The following FRMD6 variants were observed in gnomAD, a reference collection of about 807,000 sequenced individuals.
FRMD6 encodes the protein FERM domain containing 6.
A neutral mutation model predicts 73.2 loss-of-function variants in FRMD6; 37 were observed. That is an observed-to-expected ratio of 0.51 (90% CI 0.39 to 0.66). FRMD6 has a LOEUF of 0.66. Among genes scored for constraint, FRMD6 ranks in the 30% least tolerant of loss-of-function variants. The probability of loss-of-function intolerance (pLI) is 0.00; values close to 1 mark genes in which losing one functional copy is unlikely to be tolerated. For synonymous variants in FRMD6, 273 were observed against 282.2 expected, an observed-to-expected ratio of 0.97 and a Z score of 0.33; for missense variants, 714 against 780.5, an observed-to-expected ratio of 0.91 and a Z score of 1.02.
chr14:51,507,114 AC>A (rs1884014702), intron 1 of FRMD6, among the ~76,000 whole-genome samples: 1 of 149,534 alleles, frequency 6.7e-6, no homozygotes, highest in Non-Finnish European at 1.5e-5. Context: ...ACACACACAC[AC>A]ACACACACAC....
intron 1 of FRMD6, among the ~76,000 whole-genome samples, chr14:51,505,773 C>G (rs998358768): frequency 2.0e-5 from 3 of 152,200 alleles, no homozygotes; most frequent in Non-Finnish European, 4.4e-5. Flanking sequence ...CCCCCCTCGA[C>G]TCGATCACCC....
intron 9 of FRMD6, 38 bp downstream of exon 9, chr14:51,712,589 T>C (rs763902957): frequency 2.4e-6 from 3 of 1,261,802 alleles, no homozygotes; most frequent in East Asian, 2.3e-5. Context: ...AAAAGTCTCA[T>C]TAATTGCTTA....
chr14:51,698,395 A>T (rs1896084228), intron 3 of FRMD6, among the ~76,000 whole-genome samples, 163 bp downstream of exon 3: 1 of 152,054 alleles, frequency 6.6e-6, no homozygotes, highest in South Asian at 2.1e-4. Flanking sequence ...TTAATTTTTT[A>T]ATCTCAATTT....
chr14:51,706,082 A>T (rs748969468), intron 6 of FRMD6, among the ~76,000 whole-genome samples: 3 of 152,080 alleles, frequency 2.0e-5, no homozygotes, highest in Non-Finnish European at 4.4e-5. Context: ...ATTTCTACGT[A>T]TTCCTACCTC....
At chr14:51,570,931 C>T (rs887304862) in intron 2 of FRMD6, among the ~76,000 whole-genome samples, 3 of 152,134 alleles carry the variant, frequency 2.0e-5, no homozygotes, top group East Asian at 1.9e-4. Context: ...TATGGGACTC[C>T]GTCAAAACGA....
intron 2 of FRMD6, among the ~76,000 whole-genome samples, chr14:51,636,599 A>T (rs1170615250): frequency 6.6e-6 from 1 of 152,224 alleles, no homozygotes; most frequent in Non-Finnish European, 1.5e-5. Flanking sequence ...ATGCTGGTGG[A>T]TTAAAAACTA....
chr14:51,630,569 G>T (rs1422743341), intron 2 of FRMD6, among the ~76,000 whole-genome samples: 1 of 152,090 alleles, frequency 6.6e-6, no homozygotes, highest in African/African-American at 2.4e-5. Flanking sequence ...GGGCAAAAAA[G>T]ACCCTGTCTC....
intron 9 of FRMD6, 127 bp downstream of exon 9, chr14:51,712,678 G>C (rs1027886870): frequency 3.1e-6 from 2 of 650,510 alleles, no homozygotes; most frequent in African/African-American, 3.7e-5. Flanking sequence ...TTTTTAAGAA[G>C]TTGACACTGA....
chr14:51,467,182 C>T, the FRMD6 span, among the ~76,000 whole-genome samples: 1 of 152,146 alleles, frequency 6.6e-6, no homozygotes, highest in African/African-American at 2.4e-5. Context: ...AAGGAGCATG[C>T]TGCCTTCAAG....
intron 1 of FRMD6, among the ~76,000 whole-genome samples, chr14:51,547,542 GC>G (rs1349665488): frequency 1.3e-5 from 2 of 152,146 alleles, no homozygotes; most frequent in Non-Finnish European, 2.9e-5. Context: ...AGTCTGGTAT[GC>G]CTTAGCCAAA....
chr14:51,614,593 G>A (rs1235596561), intron 2 of FRMD6, among the ~76,000 whole-genome samples: 1 of 151,964 alleles, frequency 6.6e-6, no homozygotes, highest in Non-Finnish European at 1.5e-5. Context: ...CCCATGTATT[G>A]GTTATATACA....
At chr14:51,453,723 T>G in the FRMD6 span, among the ~76,000 whole-genome samples, 1 of 152,154 alleles carries the variant, frequency 6.6e-6, no homozygotes, top group Non-Finnish European at 1.5e-5. Context: ...ACCCCTTATA[T>G]GTAAACAAGG....
intron 1 of FRMD6, among the ~76,000 whole-genome samples, chr14:51,560,444 T>A (rs1261322391): frequency 6.6e-6 from 1 of 152,166 alleles, no homozygotes; most frequent in African/African-American, 2.4e-5. Context: ...AGTGGGCAGG[T>A]GATCTCTGTT....
intron 2 of FRMD6, among the ~76,000 whole-genome samples, chr14:51,627,066 T>C (rs1891143981): frequency 6.6e-6 from 1 of 152,190 alleles, no homozygotes; most frequent in Non-Finnish European, 1.5e-5. Context: ...TTCACACAAT[T>C]TCTGATTTTT....
rs1895706891 is a variant in FRMD6 at position 51,692,968 on chromosome 14, C to G, written c.99+3033C>G. 2.0e-5 allele frequency: 3 copies of G among 152,178 alleles called. No individual in the cohort carries two copies. In the South Asian group the frequency reaches 6.2e-4, roughly 32 times the overall value. 9.4% of individuals were successfully genotyped at this position (152,178 alleles called of 1,614,324 possible). A position where few individuals can be genotyped will look rare whatever the true frequency, so the allele number is the denominator to read the frequency against. On this transcript the variant is annotated intron_variant, in intron 2 of 13. Transcript: ENST00000344768. ...CCAGCACCACCTAGTTTCTTTCACT[C>G]TCTGGAATTCTGGTTACTCGATTGT...
chr14:51,493,326 C>T (rs1240694600), intron 1 of FRMD6, among the ~76,000 whole-genome samples: 3 of 152,164 alleles, frequency 2.0e-5, no homozygotes, highest in Admixed American at 2.0e-4. Flanking sequence ...TGTCCCCACC[C>T]AAATCTTGAA....
the FRMD6 span, among the ~76,000 whole-genome samples, chr14:51,475,546 T>C: frequency 6.6e-6 from 1 of 152,364 alleles, no homozygotes; most frequent in Middle Eastern, 3.4e-3. Flanking sequence ...GCCATTGTGA[T>C]GCTATTAGCA....
At chr14:51,537,355 A>G (rs1885955805) in intron 1 of FRMD6, among the ~76,000 whole-genome samples, 1 of 152,212 alleles carries the variant, frequency 6.6e-6, no homozygotes, top group South Asian at 2.1e-4. Context: ...TTTAGTGCAG[A>G]GTATTTCATT....
At chr14:51,504,636 C>G (rs1048291984) in intron 1 of FRMD6, among the ~76,000 whole-genome samples, 1 of 152,196 alleles carries the variant, frequency 6.6e-6, no homozygotes, top group African/African-American at 2.4e-5. Context: ...TCTTCAGATC[C>G]TCTTTCTCTG....
Sources: gnomAD v4.1 joint callset for allele counts (sites outside exome capture counted in the v4.1 genomes callset) on GRCh38, gnomAD v4.1.1 for gene constraint, MANE v1.5 for transcripts, NCBI Gene and HGNC (gene_info 2026-07-23, HGNC 2026-07-21) for gene names.